CPPED1: variants seen among roughly 807,000 people sequenced by gnomAD.
CPPED1 encodes the protein serine/threonine-protein phosphatase CPPED1.
Under a neutral mutation model 28.0 loss-of-function variants are expected in CPPED1, and 28 were observed. That is an observed-to-expected ratio of 1.00 (90% CI 0.74 to 1.37). The LOEUF (loss-of-function observed/expected upper bound fraction) is 1.37. CPPED1 is among the 40% of genes most tolerant of loss of function. The pLI is 0.00. For synonymous variants in CPPED1, 198 were observed against 180.2 expected (o/e 1.10, Z -0.79); for missense variants, 504 against 416.5 (o/e 1.21, Z -1.83).
At chr16:12,778,833 A>G (rs551781677) in intron 2 of CPPED1, among the ~76,000 whole-genome samples, 6 of 152,342 alleles carry the variant, frequency 3.9e-5, no homozygotes, top group South Asian at 2.1e-4. Flanking sequence ...CACTGGTTCA[A>G]TTAAAACCCC....
intron 2 of CPPED1, among the ~76,000 whole-genome samples, chr16:12,718,265 G>A (rs185944144): frequency 2.3e-4 from 35 of 152,320 alleles, no homozygotes; most frequent in Non-Finnish European, 3.7e-4. Context: ...TTGGCCAGGC[G>A]CAGTGGCTTA....
intron 2 of CPPED1, chr16:12,780,925 ATCTGTTCCATTTTTCATAT>A (rs1182541171): frequency 1.2e-5 from 6 of 485,014 alleles, no homozygotes; most frequent in African/African-American, 1.2e-4. Context: ...ATGTGTGGGA[ATCTGTTCCATTTTTCATAT>A]TAAGCTCAAA....
In CPPED1 at chr16:12,803,689, G is replaced by A. The variant is rs1286539039; in HGVS notation, c.70+18C>T. 2 of 1,538,562 alleles carry A rather than the reference G, an allele frequency of 1.3e-6. No individual in the cohort carries two copies. Among genetic ancestry groups the A allele is most frequent in the East Asian group, 2.6e-5 (1 of 38,304 alleles). On this transcript the variant is annotated intron_variant, in intron 1 of 3. Coordinates refer to ENST00000381774, the MANE Select transcript of CPPED1 (RefSeq NM_018340.3). The stretch of plus-strand genomic sequence containing the variant: ...CGCAGCCCCAGAGTCCCCTCCCCGG[G>A]TGAGGGGCGGGCAGTACCTGCGGGA...
At chr16:12,793,705 T>C (rs1269845996) in intron 1 of CPPED1, among the ~76,000 whole-genome samples, 2 of 152,174 alleles carry the variant, frequency 1.3e-5, no homozygotes, top group Non-Finnish European at 2.9e-5. Context: ...CCTACCCTTA[T>C]CTTAGCAGAG....
At chr16:12,665,263 T>C (rs2079819468) in intron 3 of CPPED1, 148 bp from the exon 4 acceptor site, 2 of 693,382 alleles carry the variant, frequency 2.9e-6, no homozygotes, top group Admixed American at 3.9e-5. Context: ...ATAATATTAT[T>C]CTGTATATAA....
chr16:12,790,822 G>A (rs920750649), intron 1 of CPPED1, among the ~76,000 whole-genome samples: 2 of 151,088 alleles, frequency 1.3e-5, no homozygotes, highest in African/African-American at 4.9e-5. Context: ...CCAGCAACTC[G>A]GGAGGCTGAG....
intron 1 of CPPED1, among the ~76,000 whole-genome samples, chr16:12,793,255 G>A (rs1202831876): frequency 2.6e-5 from 4 of 152,158 alleles, no homozygotes; most frequent in African/African-American, 9.7e-5. Context: ...ACAACTGCAG[G>A]GTCATCAGGC....
rs376337353 is a variant in CPPED1 at position 12,780,597 on chromosome 16, G to A, written c.289+588C>T. ...TAGAGAGAGCCTGAACGTAAATGAG[G>A]TCAACCCAGAGAAAGGCAGATCAGA... On this transcript the variant is annotated intron_variant, in intron 2 of 3. Coordinates refer to ENST00000381774, the MANE Select transcript of CPPED1 (RefSeq NM_018340.3). Among the ~76,000 whole-genome samples the A allele has an allele frequency of 3.3e-5, 5 of 152,034 alleles. No individual in the cohort carries two copies. In the South Asian group the frequency reaches 1.0e-3, roughly 32 times the overall value.
Position 12,765,768 on chromosome 16 carries a change from G to T in CPPED1, c.289+15417C>A, listed in dbSNP as rs958470113. 3.9e-5 allele frequency among the ~76,000 whole-genome samples: 6 copies of T among 152,180 alleles called. No homozygotes were observed. In the South Asian group the frequency reaches 1.2e-3, roughly 31 times the overall value. On this transcript the variant is annotated intron_variant, in intron 2 of 3. Transcript: ENST00000381774. ...ACCATACAGAATTTGAAACATGCAGGTGACTTTCTAAATTCTGGGTTCGCG... is the reference window on the plus strand; with the variant it reads ...ACCATACAGAATTTGAAACATGCAGTTGACTTTCTAAATTCTGGGTTCGCG...
intron 1 of CPPED1, among the ~76,000 whole-genome samples, chr16:12,799,250 T>G (rs954212886): frequency 3.8e-4 from 31 of 81,656 alleles, no homozygotes; most frequent in Admixed American, 7.9e-4. Context: ...TCAGTTTTTT[T>G]TTTTTTTTTT....
intron 3 of CPPED1, among the ~76,000 whole-genome samples, chr16:12,675,320 G>A (rs1480626836): frequency 6.6e-6 from 1 of 152,200 alleles, no homozygotes; most frequent in East Asian, 1.9e-4. Context: ...CTGCTGTAAG[G>A]AGATGACAGG....
At chr16:12,782,438 C>A (rs2080537544) in intron 1 of CPPED1, among the ~76,000 whole-genome samples, 1 of 152,126 alleles carries the variant, frequency 6.6e-6, no homozygotes, top group African/African-American at 2.4e-5. Flanking sequence ...ATCTACAGCC[C>A]CCTCATTTAT....
intron 3 of CPPED1, among the ~76,000 whole-genome samples, chr16:12,690,707 G>A (rs1241793949): frequency 2.0e-5 from 3 of 150,340 alleles, no homozygotes; most frequent in African/African-American, 7.3e-5. Context: ...ATCTTTGTCT[G>A]CAGAAGGCAC....
At chr16:12,727,469 C>T (rs1425132832) in intron 2 of CPPED1, among the ~76,000 whole-genome samples, 4 of 152,170 alleles carry the variant, frequency 2.6e-5, no homozygotes, top group Non-Finnish European at 5.9e-5. Flanking sequence ...CCTCCCACCT[C>T]AGCCTCTCGA....
intron 3 of CPPED1, among the ~76,000 whole-genome samples, chr16:12,684,434 A>G (rs960251112): frequency 6.6e-6 from 1 of 152,166 alleles, no homozygotes; most frequent in East Asian, 1.9e-4. Flanking sequence ...CTGATCAAAC[A>G]CAATGTCTCC....
At chr16:12,771,954 C>G (rs1478790812) in intron 2 of CPPED1, among the ~76,000 whole-genome samples, 2 of 152,066 alleles carry the variant, frequency 1.3e-5, no homozygotes, top group Non-Finnish European at 2.9e-5. Context: ...GAAACCTTGT[C>G]TCTACTAAAA....
intron 2 of CPPED1, among the ~76,000 whole-genome samples, chr16:12,758,589 G>A (rs920784168): frequency 1.3e-5 from 2 of 152,132 alleles, no homozygotes; most frequent in Admixed American, 6.6e-5. Flanking sequence ...CCAGCCCACT[G>A]ACCAAGGCAC....
chr16:12,737,167 G>A (rs2141208792), intron 2 of CPPED1, among the ~76,000 whole-genome samples: 1 of 152,220 alleles, frequency 6.6e-6, no homozygotes, highest in Non-Finnish European at 1.5e-5. Context: ...TCCAGTCTGG[G>A]CGAGAGAGTG....
chr16:12,763,536 G>C (rs891529962), intron 2 of CPPED1, among the ~76,000 whole-genome samples: 1 of 152,168 alleles, frequency 6.6e-6, no homozygotes, highest in African/African-American at 2.4e-5. Flanking sequence ...TGTATTAAAT[G>C]CCAGCCAATA....
Sources: allele counts gnomAD v4.1 joint callset (sites outside exome capture counted in the v4.1 genomes callset), GRCh38; gene constraint gnomAD v4.1.1; transcripts MANE v1.5; gene names NCBI Gene and HGNC (gene_info 2026-07-23, HGNC 2026-07-21).